BID: variants seen among roughly 807,000 people sequenced by gnomAD.
BID encodes the protein BH3-interacting domain death agonist.
In BID, 19 loss-of-function variants were observed where a neutral mutation model predicts 17.4. The observed-to-expected ratio is 1.09, with a 90% CI of 0.76 to 1.60. BID has a LOEUF of 1.60. BID is among the 40% of genes most tolerant of loss of function. BID has a pLI of 0.00. For synonymous variants in BID, 108 were observed against 102.8 expected, an observed-to-expected ratio of 1.05 and a Z score of -0.31; for missense variants, 226 against 256.0, an observed-to-expected ratio of 0.88 and a Z score of 0.80.
At chr22:17,744,065 C>T in intron 2 of BID, 52 bp from the exon 3 acceptor site, 1 of 1,511,102 alleles carries the variant, frequency 6.6e-7, no homozygotes, top group Non-Finnish European at 9.2e-7. Flanking sequence ...GCCAGAGGCC[C>T]CTCCTGCAAA....
chr22:17,737,140 G>C (rs1484644872), intron 5 of BID, among the ~76,000 whole-genome samples: 1 of 151,822 alleles, frequency 6.6e-6, no homozygotes, highest in Non-Finnish European at 1.5e-5. Flanking sequence ...TTTAGAGACA[G>C]GGTCTCGCCA....
chr22:17,762,890 T>TG (rs2061650927), intron 1 of BID, among the ~76,000 whole-genome samples: 5 of 149,388 alleles, frequency 3.3e-5, no homozygotes, highest in African/African-American at 7.5e-5. Context: ...TTTGTTTGTT[T>TG]TTTTAAGACG....
At chr22:17,761,075 G>A (rs1468096947) in intron 1 of BID, among the ~76,000 whole-genome samples, 1 of 152,164 alleles carries the variant, frequency 6.6e-6, no homozygotes, top group African/African-American at 2.4e-5. Flanking sequence ...TCCCGTGCAG[G>A]TCTTACAAGA....
chr22:17,745,437 G>A (rs373814434), intron 2 of BID, among the ~76,000 whole-genome samples: 1 of 152,100 alleles, frequency 6.6e-6, no homozygotes, highest in Non-Finnish European at 1.5e-5. Context: ...GAGGCAGGAG[G>A]ATCGTTTGAG....
At chr22:17,758,574 G>A (rs922555326) in intron 1 of BID, among the ~76,000 whole-genome samples, 4 of 152,140 alleles carry the variant, frequency 2.6e-5, no homozygotes, top group African/African-American at 9.7e-5. Flanking sequence ...ATAAAACATG[G>A]GGTGACATAC....
chr22:17,760,252 C>A (rs1249663870), intron 1 of BID, among the ~76,000 whole-genome samples: 1 of 151,220 alleles, frequency 6.6e-6, no homozygotes, highest in Non-Finnish European at 1.5e-5. Flanking sequence ...TCAAGACCAG[C>A]CTGGCCAACA....
At chr22:17,760,504 G>T (rs377083576) in intron 1 of BID, among the ~76,000 whole-genome samples, 3 of 148,500 alleles carry the variant, frequency 2.0e-5, no homozygotes, top group African/African-American at 7.5e-5. Context: ...CCAGAGCAGA[G>T]CCTACTAAAT....
rs549281082 is a variant in BID, at chr22:17,753,036, G to A, written c.-58-2862C>T. Among the ~76,000 whole-genome samples, 27 of 133,408 alleles carry A rather than the reference G, an allele frequency of 2.0e-4. No homozygotes were observed. The East Asian group carries it at 3.5e-3, about 17-fold the overall frequency. 87.5% of individuals were successfully genotyped at this position (133,408 alleles called of 152,430 possible). A position where few individuals can be genotyped will look rare whatever the true frequency, so the allele number is the denominator to read the frequency against. ...GGCTGGAGTGCAGTGGCGCAATCTC[G>A]GCTCACTGCAAGCTCCGCCTCCCGG... is the stretch of plus-strand genomic sequence containing the variant. On this transcript the variant is annotated intron_variant, in intron 1 of 5. Coordinates refer to ENST00000622694, the MANE Select transcript of BID (RefSeq NM_001196.4).
At chr22:17,752,288 A>G (rs2061545319) in intron 1 of BID, among the ~76,000 whole-genome samples, 1 of 152,092 alleles carries the variant, frequency 6.6e-6, no homozygotes, top group Non-Finnish European at 1.5e-5. Flanking sequence ...GGAGACATTT[A>G]TGGGGGGTGT....
At chr22:17,772,450 C>G (rs1282261568) in intron 1 of BID, among the ~76,000 whole-genome samples, 3 of 152,238 alleles carry the variant, frequency 2.0e-5, no homozygotes, top group Non-Finnish European at 4.4e-5. Context: ...TTTCCAGAGG[C>G]CACAGCTCTG....
At chr22:17,746,360 T>C (rs914894894) in intron 2 of BID, among the ~76,000 whole-genome samples, 6 of 152,226 alleles carry the variant, frequency 3.9e-5, no homozygotes, top group Admixed American at 1.3e-4. Context: ...TAAAATAAGG[T>C]GCTTGTGTAT....
At chr22:17,737,522 T>G (rs1394463895) in intron 5 of BID, among the ~76,000 whole-genome samples, 1 of 152,092 alleles carries the variant, frequency 6.6e-6, no homozygotes, top group Non-Finnish European at 1.5e-5. Flanking sequence ...AATTTTTGTA[T>G]TTTAGTAGAG....
Position 17,762,970 on chromosome 22 carries a change from AG to A in BID, c.-59+11410del, listed in dbSNP as rs796643674. ...TGCCTCATTACATCCTCCGCCTCCC[AG>A]GCTCAAGCGATTCTCCTGCCTCAGC... On this transcript the variant is annotated intron_variant, in intron 1 of 5. Transcript: ENST00000622694. 5.3e-5 allele frequency among the ~76,000 whole-genome samples: 8 copies of A among 151,358 alleles called. No homozygotes were observed. In the South Asian group the frequency reaches 1.7e-3, roughly 32 times the overall value.
In BID at chr22:17,749,227, C is replaced by A. The variant is rs1218043726; in HGVS notation, c.12+878G>T. ...GTGATGCAGCGGGTGGGAGAGAGCA[C>A]CCGTGTGCTGTGATTTTTCTCTCCC... On this transcript the variant is annotated intron_variant, in intron 2 of 5. Coordinates refer to ENST00000622694, the MANE Select transcript of BID (RefSeq NM_001196.4). 2.0e-5 allele frequency among the ~76,000 whole-genome samples: 3 copies of A among 149,208 alleles called. No individual in the cohort carries two copies. In the East Asian group the frequency reaches 5.8e-4, roughly 29 times the overall value.
At chr22:17,758,957 G>A (rs1318619313) in intron 1 of BID, among the ~76,000 whole-genome samples, 1 of 152,198 alleles carries the variant, frequency 6.6e-6, no homozygotes, top group Non-Finnish European at 1.5e-5. Context: ...GGTGGGCCAG[G>A]TGTGGTGGCT....
At chr22:17,739,303 C>A (rs759545013) in intron 4 of BID, 46 bp downstream of exon 4, 1 of 1,505,360 alleles carries the variant, frequency 6.6e-7, no homozygotes. Context: ...GGACAGGCCC[C>A]CTTGGCTCAC....
intron 1 of BID, among the ~76,000 whole-genome samples, chr22:17,765,795 G>T (rs893920231): frequency 6.6e-6 from 1 of 152,146 alleles, no homozygotes; most frequent in African/African-American, 2.4e-5. Flanking sequence ...AAACCTGCAC[G>T]TTGTGCACAT....
Position 17,738,115 on chromosome 22 carries a change from C to T in BID, c.478G>A (p.Ala160Thr). 1 of 1,614,148 alleles carries T rather than the reference C, an allele frequency of 6.2e-7. No individual in the cohort carries two copies. The highest frequency in any genetic ancestry group is 8.5e-7 in the Non-Finnish European group (1 of 1,180,044). ...VLALLLAKKV[A>T]SHTPSLLRDV... is the part of the protein sequence containing the mutation. ...CGGAGCAAGGACGGCGTGTGACTGG[C>T]CACCTTCTTGGCCAGCAGCAGGGCC... Residue 160 changes from alanine (A) to threonine (T), a missense_variant, in exon 5 of 6, where the codon GCC becomes ACC. Coordinates refer to ENST00000622694, the MANE Select transcript of BID (RefSeq NM_001196.4).
chr22:17,766,237 C>A (rs1271455024), intron 1 of BID, among the ~76,000 whole-genome samples: 1 of 150,490 alleles, frequency 6.6e-6, no homozygotes, highest in Admixed American at 6.6e-5. Context: ...ACTTAAGATT[C>A]TTAAAATATT....
Sources: gnomAD v4.1 joint callset for allele counts (sites outside exome capture counted in the v4.1 genomes callset) on GRCh38, gnomAD v4.1.1 for gene constraint, MANE v1.5 for transcripts, NCBI Gene and HGNC (gene_info 2026-07-23, HGNC 2026-07-21) for gene names.